The following SGTB variants were observed in gnomAD, a reference collection of about 807,000 sequenced individuals.
SGTB encodes small glutamine-rich tetratricopeptide repeat-containing protein beta.
SGTB carries 19 observed loss-of-function variants against 43.9 expected under a neutral mutation model. The ratio of observed to expected loss-of-function variants is 0.43; its 90% CI spans 0.30 to 0.63. The LOEUF (loss-of-function observed/expected upper bound fraction) is 0.63. Among genes scored for constraint, SGTB ranks in the 30% least tolerant of loss-of-function variants. SGTB has a pLI of 0.12. For synonymous variants in SGTB, 116 were observed against 117.3 expected (o/e 0.99, Z 0.07); for missense variants, 304 against 358.9 (o/e 0.85, Z 1.24).
intron 8 of SGTB, 138 bp from the exon 9 acceptor site, chr5:65,672,419 T>G: frequency 9.8e-7 from 1 of 1,018,892 alleles, no homozygotes; most frequent in African/African-American, 1.6e-5. Context: ...CTATGCAAAG[T>G]AAAGGGGAAT....
intron 4 of SGTB, among the ~76,000 whole-genome samples, chr5:65,705,866 A>C (rs1362436718): frequency 5.4e-4 from 13 of 23,918 alleles, no homozygotes; most frequent in Non-Finnish European, 1.5e-3. Context: ...TATCTCTACA[A>C]AAAAAAAAAA....
At chr5:65,704,733 C>T (rs1554025781) in intron 4 of SGTB, among the ~76,000 whole-genome samples, 1 of 152,276 alleles carries the variant, frequency 6.6e-6, no homozygotes, top group Non-Finnish European at 1.5e-5. Context: ...TGCCCCAGCC[C>T]GTTCCAGATG....
intron 6 of SGTB, 143 bp downstream of exon 6, chr5:65,685,225 T>G: frequency 1.7e-5 from 11 of 632,370 alleles, no homozygotes; most frequent in South Asian, 2.5e-5. Flanking sequence ...AAAGAAATTG[T>G]AGTCATTTCC....
Position 65,708,552 on chromosome 5 carries a change from C to T in SGTB, c.211G>A (p.Val71Ile), listed in dbSNP as rs749730040. Residue 71 changes from valine to isoleucine, a missense_variant, in exon 4 of 11, where the codon GTT (valine) becomes ATT (isoleucine). Val to Ile is a conservative substitution (Grantham distance 29). Transcript: ENST00000381007. ...MFTSSFCKNDVLPLSNSVPED... is the reference protein window; with the variant it reads ...MFTSSFCKNDILPLSNSVPED... The stretch of plus-strand genomic sequence containing the variant: ...GGCACTGAGTTTGAAAGGGGCAGAA[C>T]GTCATTCTGAAATTAAATAAAAATC... 8.1e-6 allele frequency: 13 copies of T among 1,611,696 alleles called. No homozygotes were observed. Among genetic ancestry groups the T allele is most frequent in the South Asian group, 3.3e-5 (3 of 90,594 alleles).
At chr5:65,672,393 G>T in intron 8 of SGTB, 112 bp from the exon 9 acceptor site, 1 of 1,321,716 alleles carries the variant, frequency 7.6e-7, no homozygotes, top group Non-Finnish European at 1.1e-6. Flanking sequence ...CTAACATTTT[G>T]TAGAGTTTCA....
In SGTB at chr5:65,713,434, G is replaced by A. The variant is rs920978730; in HGVS notation, c.101-370C>T. Among the ~76,000 whole-genome samples, 8 of 151,944 alleles carry A rather than the reference G, an allele frequency of 5.3e-5. No individual in the cohort carries two copies. In the East Asian group the frequency reaches 1.5e-3, roughly 29 times the overall value. On this transcript the variant is annotated intron_variant, in intron 2 of 10. Transcript: ENST00000381007. ...CTTCCTGGGCTCAAGGGATCCCCCT[G>A]CCTCAGCTCCCTTAGTAATTGAGAC...
intron 8 of SGTB, among the ~76,000 whole-genome samples, chr5:65,678,077 G>A (rs1581246470): frequency 6.6e-6 from 1 of 152,090 alleles, no homozygotes; most frequent in Non-Finnish European, 1.5e-5. Context: ...GCAGATGACA[G>A]GATCCTATAT....
intron 5 of SGTB, among the ~76,000 whole-genome samples, chr5:65,695,219 A>G (rs762700696): frequency 2.8e-4 from 43 of 152,288 alleles, no homozygotes; most frequent in Admixed American, 2.0e-3. Context: ...GGTGTATGGA[A>G]AAGGGAAACA....
chr5:65,679,641 C>CA (rs543822844), intron 8 of SGTB, among the ~76,000 whole-genome samples: 187 of 151,788 alleles, frequency 1.2e-3, no homozygotes, highest in African/African-American at 4.4e-3. Context: ...ACAACAACAA[C>CA]AACAAAAAAA....
rs765083034 is a variant in SGTB at position 65,670,293 on chromosome 5, G to C, written c.868C>G (p.His290Asp). The C allele has an allele frequency of 2.5e-6, 4 of 1,614,178 alleles. 1 individual carries two copies. Among genetic ancestry groups the C allele is most frequent in the South Asian group, 2.2e-5 (2 of 91,084 alleles). Reference protein sequence around the residue: ...NPELIEQLRNHIRSRSFSSSA... With the variant: ...NPELIEQLRNDIRSRSFSSSA... ...CTGCTGAATGATCTGCTCCGGATGT[G>C]ATTTCTCAGTTGCTCTATAAGTTCA... is the stretch of plus-strand genomic sequence containing the variant. The change falls in exon 11 of 11, where the codon CAC (histidine) becomes GAC (aspartate). Residue 290 changes from histidine (H) to aspartate (D), a missense_variant. Transcript: ENST00000381007.
At chr5:65,679,863 C>A (rs1429520263) in intron 8 of SGTB, among the ~76,000 whole-genome samples, 2 of 152,148 alleles carry the variant, frequency 1.3e-5, no homozygotes, top group Non-Finnish European at 2.9e-5. Flanking sequence ...CACATTCGTA[C>A]GTATGTTCAC....
At chr5:65,672,618 G>T (rs1194005505) in intron 8 of SGTB, among the ~76,000 whole-genome samples, 2 of 152,142 alleles carry the variant, frequency 1.3e-5, no homozygotes, top group Non-Finnish European at 2.9e-5. Flanking sequence ...CACTTGAGAA[G>T]GTCCATTCCA....
At chr5:65,684,185 A>G (rs1428080070) in intron 6 of SGTB, among the ~76,000 whole-genome samples, 1 of 151,824 alleles carries the variant, frequency 6.6e-6, no homozygotes, top group Non-Finnish European at 1.5e-5. Context: ...CCCAGACTCA[A>G]GCAATCTTCT....
intron 8 of SGTB, 31 bp downstream of exon 8, chr5:65,680,459 ATAGC>A (rs749728034): frequency 2.3e-5 from 37 of 1,595,900 alleles, no homozygotes; most frequent in Non-Finnish European, 2.9e-5. Flanking sequence ...TATGGAAAAC[ATAGC>A]CAGTAGAGGC....
At chr5:65,718,795 C>T (rs1306166405) in intron 2 of SGTB, among the ~76,000 whole-genome samples, 2 of 152,010 alleles carry the variant, frequency 1.3e-5, no homozygotes, top group Non-Finnish European at 2.9e-5. Flanking sequence ...TAACAAACAG[C>T]TGAAGGCACA....
At chr5:65,705,457 AAAAAAG>A (rs1261894559) in intron 4 of SGTB, among the ~76,000 whole-genome samples, 1 of 152,150 alleles carries the variant, frequency 6.6e-6, no homozygotes, top group Non-Finnish European at 1.5e-5. Context: ...TGTCTTTAAA[AAAAAAG>A]AAAAAGAAAA....
rs1288266895 is a variant in SGTB, at chr5:65,701,119, A to G, written c.374+3160T>C. On this transcript the variant is annotated intron_variant, in intron 5 of 10. Transcript: ENST00000381007. ...GTTATAGGAAAACAAATTCAGTGTCAATATAAGGAAGACCTTTCTAACAGA... is the reference window on the plus strand; with the variant it reads ...GTTATAGGAAAACAAATTCAGTGTCGATATAAGGAAGACCTTTCTAACAGA... Among the ~76,000 whole-genome samples, 3 of 152,198 alleles carry G rather than the reference A, an allele frequency of 2.0e-5. No individual in the cohort carries two copies. The East Asian group carries it at 5.8e-4, about 29-fold the overall frequency.
intron 5 of SGTB, among the ~76,000 whole-genome samples, chr5:65,691,608 G>A (rs1248686233): frequency 3.3e-5 from 5 of 150,338 alleles, no homozygotes; most frequent in Admixed American, 3.3e-4. Context: ...GATTACAGGC[G>A]GTGAGCCACT....
Position 65,712,962 on chromosome 5 carries a change from T to C in SGTB, c.203A>G (p.Lys68Arg), listed in dbSNP as rs1434940049. 6.2e-7 allele frequency: 1 copy of C among 1,609,822 alleles called. No homozygotes were observed. The change falls in exon 3 of 11, where the codon AAG (lysine) becomes AGG (arginine). Residue 68 changes from lysine to arginine, a missense_variant and splice_region_variant. Transcript: ENST00000381007. ...LTEMFTSSFC[K>R]NDVLPLSNSV... Reference sequence around the variant, plus strand: ...AATGAGAAAATAATGACAACATACCTTACAGAAGGAACTGGTAAACATTTC... The same window carrying C: ...AATGAGAAAATAATGACAACATACCCTACAGAAGGAACTGGTAAACATTTC...
Sources: allele counts gnomAD v4.1 joint callset (sites outside exome capture counted in the v4.1 genomes callset), GRCh38; gene constraint gnomAD v4.1.1; transcripts MANE v1.5; gene names NCBI Gene and HGNC (gene_info 2026-07-23, HGNC 2026-07-21).